The following CCDC6 variants were observed in gnomAD, a reference collection of about 807,000 sequenced individuals.
CCDC6 encodes the protein coiled-coil domain containing 6.
Under a neutral mutation model 56.6 loss-of-function variants are expected in CCDC6, and 20 were observed. That is an observed-to-expected ratio of 0.35 (90% CI 0.25 to 0.51). The LOEUF is 0.51. Ranked by LOEUF, CCDC6 falls within the 20% of genes least tolerant of loss-of-function variation. The pLI is 0.95. For missense variants in CCDC6, 367 were observed against 601.1 expected, an observed-to-expected ratio of 0.61 and a Z score of 4.07; for synonymous variants, 241 against 234.4, an observed-to-expected ratio of 1.03 and a Z score of -0.26.
intron 3 of CCDC6, among the ~76,000 whole-genome samples, chr10:59,832,043 C>T (rs1275120089): frequency 1.3e-5 from 2 of 152,102 alleles, no homozygotes; most frequent in African/African-American, 2.4e-5. Context: ...GGTGAGTTAC[C>T]AAGTCTATGA....
Position 59,836,645 on chromosome 10 carries a change from G to A in CCDC6, c.454-3992C>T, listed in dbSNP as rs184839941. Among the ~76,000 whole-genome samples the A allele has an allele frequency of 1.9e-3, 286 of 152,180 alleles. 1 individual carries two copies. The highest frequency in any genetic ancestry group is 3.1e-3 in the Non-Finnish European group (211 of 67,996). On this transcript the variant is annotated intron_variant, in intron 2 of 8. Transcript: ENST00000263102. ...AGCTAAATGCCTAGGCAGATTAAAT[G>A]GCTTTTTTCAAAAATCAATTTTCAA...
At chr10:59,860,342 G>A (rs2071117537) in intron 1 of CCDC6, among the ~76,000 whole-genome samples, 1 of 152,272 alleles carries the variant, frequency 6.6e-6, no homozygotes, top group African/African-American at 2.4e-5. Flanking sequence ...GAAAGGAAGA[G>A]GAATGCTGTG....
At chr10:59,862,471 G>C (rs1191102737) in intron 1 of CCDC6, among the ~76,000 whole-genome samples, 1 of 146,864 alleles carries the variant, frequency 6.8e-6, no homozygotes, top group Non-Finnish European at 1.5e-5. Flanking sequence ...ATGGGTGACA[G>C]AGCCAGGTTC....
intron 1 of CCDC6, among the ~76,000 whole-genome samples, chr10:59,869,888 C>T (rs1440661388): frequency 6.6e-6 from 1 of 152,168 alleles, no homozygotes; most frequent in Non-Finnish European, 1.5e-5. Context: ...TGTTCCCACA[C>T]ATGCCACACT....
At chr10:59,876,756 C>T (rs2071285856) in intron 1 of CCDC6, among the ~76,000 whole-genome samples, 1 of 152,090 alleles carries the variant, frequency 6.6e-6, no homozygotes, top group African/African-American at 2.4e-5. Flanking sequence ...TACAAGCTGG[C>T]AGAGTTTATC....
chr10:59,890,947 T>C (rs1043059471), intron 1 of CCDC6, among the ~76,000 whole-genome samples: 18 of 152,174 alleles, frequency 1.2e-4, no homozygotes, highest in African/African-American at 4.1e-4. Context: ...TGTTCTCTCA[T>C]TGTTCAATTC....
chr10:59,840,414 G>A (rs2070927713), intron 2 of CCDC6, among the ~76,000 whole-genome samples: 1 of 152,000 alleles, frequency 6.6e-6, no homozygotes, highest in South Asian at 2.1e-4. Context: ...ATTACATATG[G>A]TGCATATCTC....
At chr10:59,799,446 C>G (rs1410976966) in intron 7 of CCDC6, among the ~76,000 whole-genome samples, 1 of 152,074 alleles carries the variant, frequency 6.6e-6, no homozygotes, top group East Asian at 1.9e-4. Context: ...ATCTCCTTCT[C>G]TAGCTGTTAC....
At chr10:59,839,187 C>A (rs545791334) in intron 2 of CCDC6, among the ~76,000 whole-genome samples, 1 of 152,182 alleles carries the variant, frequency 6.6e-6, no homozygotes, top group African/African-American at 2.4e-5. Context: ...AAATTTCACA[C>A]GTAAAGGGTA....
rs1554884364 is a variant in CCDC6 at position 59,837,767 on chromosome 10, AAAAG to A, written c.454-5118_454-5115del. On this transcript the variant is annotated intron_variant, in intron 2 of 8. Coordinates refer to ENST00000263102, the MANE Select transcript of CCDC6 (RefSeq NM_005436.5). The stretch of plus-strand genomic sequence containing the variant: ...GTCTCAAAAAAAAAAAAAAAAAAAA[AAAAG>A]AAAGAAGAAGAAGCTTGAGAGGCCC... 2.8e-5 allele frequency among the ~76,000 whole-genome samples: 4 copies of A among 143,724 alleles called. No homozygotes were observed. In the South Asian group the frequency reaches 8.7e-4, roughly 31 times the overall value. The allele number at this position is 143,724 out of a possible 152,430, so 94.3% of individuals were successfully genotyped here. A position where few individuals can be genotyped will look rare whatever the true frequency, so the allele number is the denominator to read the frequency against.
chr10:59,850,607 AAC>A (rs1236092233), intron 2 of CCDC6, among the ~76,000 whole-genome samples: 1 of 152,216 alleles, frequency 6.6e-6, no homozygotes, highest in Non-Finnish European at 1.5e-5. Context: ...TTTTGGAAAT[AAC>A]AGTTTATTTT....
intron 1 of CCDC6, among the ~76,000 whole-genome samples, chr10:59,885,059 G>A (rs560192042): frequency 2.3e-4 from 12 of 53,230 alleles, no homozygotes; most frequent in African/African-American, 9.2e-4. Context: ...GCGAGACTCC[G>A]TAACAACAAC....
At chr10:59,821,573 T>A (rs1459860425) in intron 3 of CCDC6, among the ~76,000 whole-genome samples, 3 of 152,210 alleles carry the variant, frequency 2.0e-5, no homozygotes, top group Admixed American at 2.0e-4. Flanking sequence ...ATTTGATTAA[T>A]CAAGCTGTGA....
intron 1 of CCDC6, among the ~76,000 whole-genome samples, chr10:59,873,252 T>C (rs1259624722): frequency 1.3e-5 from 2 of 152,162 alleles, no homozygotes; most frequent in Non-Finnish European, 2.9e-5. Context: ...AAATAGGTTC[T>C]TTGCAGATGT....
chr10:59,877,785 T>C (rs1236143754), intron 1 of CCDC6, among the ~76,000 whole-genome samples: 1 of 152,142 alleles, frequency 6.6e-6, no homozygotes, highest in Non-Finnish European at 1.5e-5. Context: ...CCACCTACAA[T>C]GTGCAAGAAA....
At chr10:59,812,062 CAAAAAAA>C (rs142710534) in intron 5 of CCDC6, among the ~76,000 whole-genome samples, 6 of 121,124 alleles carry the variant, frequency 5.0e-5, no homozygotes, top group Non-Finnish European at 8.8e-5. Context: ...TTTGAATAGC[CAAAAAAA>C]AAAAAAAAAA....
chr10:59,890,585 C>T (rs1050099803), intron 1 of CCDC6, among the ~76,000 whole-genome samples: 1 of 152,106 alleles, frequency 6.6e-6, no homozygotes, highest in Non-Finnish European at 1.5e-5. Context: ...TCATTTATCC[C>T]CAAAACTGGA....
intron 1 of CCDC6, among the ~76,000 whole-genome samples, chr10:59,896,276 T>C (rs572608965): frequency 2.6e-5 from 4 of 152,282 alleles, no homozygotes; most frequent in Non-Finnish European, 5.9e-5. Context: ...AACCATGATC[T>C]GTGAAGTGTT....
intron 1 of CCDC6, among the ~76,000 whole-genome samples, chr10:59,862,572 C>CAT (rs1186300588): frequency 4.8e-5 from 7 of 144,574 alleles, no homozygotes; most frequent in African/African-American, 1.9e-4. Context: ...TATACACATA[C>CAT]ACACACACAC....
Sources: gnomAD v4.1 joint callset for allele counts (sites outside exome capture counted in the v4.1 genomes callset) on GRCh38, gnomAD v4.1.1 for gene constraint, MANE v1.5 for transcripts, NCBI Gene and HGNC (gene_info 2026-07-23, HGNC 2026-07-21) for gene names.